ARPP21: variants seen among roughly 807,000 people sequenced by gnomAD.
ARPP21 encodes the protein cAMP-regulated phosphoprotein 21.
Under a neutral mutation model 113.2 loss-of-function variants are expected in ARPP21, and 69 were observed. The ratio of observed to expected loss-of-function variants is 0.61; its 90% CI spans 0.50 to 0.74. The LOEUF (loss-of-function observed/expected upper bound fraction) is 0.74, where lower values mean the gene tolerates loss of function less well. Among genes scored for constraint, ARPP21 ranks in the 30% least tolerant of loss-of-function variants. The pLI is 0.00. For synonymous variants in ARPP21, 368 were observed against 375.5 expected, an observed-to-expected ratio of 0.98 and a Z score of 0.23; for missense variants, 1,070 against 1,037.4, an observed-to-expected ratio of 1.03 and a Z score of -0.43.
intron 1 of ARPP21, among the ~76,000 whole-genome samples, chr3:35,670,608 C>T (rs2076091283): frequency 6.6e-6 from 1 of 152,070 alleles, no homozygotes; most frequent in South Asian, 2.1e-4. Context: ...CATCTGGAGT[C>T]CGATCAGCAT....
In ARPP21 at chr3:35,762,605, C is replaced by T. The variant is rs186396358; in HGVS notation, c.2137+18640C>T. Among the ~76,000 whole-genome samples, 33 of 152,142 alleles carry T rather than the reference C, an allele frequency of 2.2e-4. No homozygotes were observed. In the Middle Eastern group the frequency reaches 0.01, roughly 47 times the overall value. ...CGTGACTACTTACAACCATTTGATA[C>T]GAGTTGTGTCAATACAGACCTCACA... On this transcript the variant is annotated intron_variant, in intron 19 of 20. Coordinates refer to ENST00000684406, the MANE Select transcript of ARPP21 (RefSeq NM_001385562.1).
intron 1 of ARPP21, among the ~76,000 whole-genome samples, chr3:35,673,003 T>TAATCTACG (rs1485941401): frequency 1.3e-5 from 2 of 152,172 alleles, no homozygotes; most frequent in East Asian, 3.9e-4. Context: ...ATAGATGTAA[T>TAATCTACG]AATCTACGTA....
intron 1 of ARPP21, among the ~76,000 whole-genome samples, chr3:35,660,942 G>C (rs987541848): frequency 3.9e-5 from 6 of 152,140 alleles, no homozygotes; most frequent in African/African-American, 1.4e-4. Flanking sequence ...AAAATATGTA[G>C]TTGGAAAGCT....
At chr3:35,749,702 A>G (rs543206030) in intron 19 of ARPP21, among the ~76,000 whole-genome samples, 27 of 152,224 alleles carry the variant, frequency 1.8e-4, no homozygotes, top group African/African-American at 6.3e-4. Context: ...GTATTTTAAG[A>G]TAATTTCTGG....
chr3:35,764,070 A>G (rs1345487074), intron 19 of ARPP21, among the ~76,000 whole-genome samples: 6 of 151,916 alleles, frequency 3.9e-5, no homozygotes, highest in Non-Finnish European at 8.8e-5. Context: ...GGATGGCTAC[A>G]ATGAAAAAAA....
intron 1 of ARPP21, among the ~76,000 whole-genome samples, chr3:35,648,247 C>T (rs980485132): frequency 6.6e-6 from 1 of 152,122 alleles, no homozygotes; most frequent in Non-Finnish European, 1.5e-5. Flanking sequence ...TGGTCTAATT[C>T]AGTTGTCTAA....
intron 10 of ARPP21, among the ~76,000 whole-genome samples, chr3:35,708,422 G>A (rs2089982059): frequency 6.6e-6 from 1 of 152,124 alleles, no homozygotes; most frequent in South Asian, 2.1e-4. Context: ...GCAATTCATG[G>A]GATCAGTCAC....
At chr3:35,752,680 T>G (rs1285749950) in intron 19 of ARPP21, among the ~76,000 whole-genome samples, 1 of 152,090 alleles carries the variant, frequency 6.6e-6, no homozygotes, top group Non-Finnish European at 1.5e-5. Context: ...TGTCTTGAGA[T>G]TCTACATTTT....
At chr3:35,754,150 G>T (rs1362893193) in intron 19 of ARPP21, among the ~76,000 whole-genome samples, 2 of 151,762 alleles carry the variant, frequency 1.3e-5, no homozygotes, top group Middle Eastern at 3.4e-3. Context: ...TAGGATTTTT[G>T]TCTTTATACC....
intron 1 of ARPP21, among the ~76,000 whole-genome samples, chr3:35,668,794 GT>G (rs1276304739): frequency 3.9e-5 from 6 of 152,050 alleles, no homozygotes. Context: ...CATCATGCAT[GT>G]TTTGAGATGC....
intron 9 of ARPP21, among the ~76,000 whole-genome samples, chr3:35,694,180 G>A (rs1575912931): frequency 6.6e-6 from 1 of 151,466 alleles, no homozygotes; most frequent in African/African-American, 2.4e-5. Flanking sequence ...GTTTTTCATG[G>A]AGAAGAAAGA....
chr3:35,787,417 G>T (rs546260993), intron 19 of ARPP21, among the ~76,000 whole-genome samples: 78 of 152,270 alleles, frequency 5.1e-4, no homozygotes, highest in Non-Finnish European at 1.0e-3. Context: ...AGATTGTGAG[G>T]AAAGCCATTA....
intron 7 of ARPP21, among the ~76,000 whole-genome samples, chr3:35,689,653 A>G (rs1457808741): frequency 6.6e-6 from 1 of 151,658 alleles, no homozygotes; most frequent in Non-Finnish European, 1.5e-5. Context: ...GCTAAGGTGG[A>G]AAAATAGCAA....
At chr3:35,683,068 T>C (rs557233859) in intron 4 of ARPP21, among the ~76,000 whole-genome samples, 179 bp downstream of exon 4, 60 of 151,890 alleles carry the variant, frequency 4.0e-4, no homozygotes, top group African/African-American at 1.4e-3. Flanking sequence ...TCTTACTTTA[T>C]GGCACTGCAT....
intron 19 of ARPP21, among the ~76,000 whole-genome samples, chr3:35,789,898 T>C (rs2151889785): frequency 6.6e-6 from 1 of 152,352 alleles, no homozygotes; most frequent in African/African-American, 2.4e-5. Flanking sequence ...GTTTAGAAGA[T>C]GGTGTGTTAA....
intron 1 of ARPP21, among the ~76,000 whole-genome samples, chr3:35,645,875 T>C (rs921081676): frequency 1.4e-4 from 21 of 151,834 alleles, no homozygotes; most frequent in African/African-American, 5.1e-4. Flanking sequence ...TAAAAAAAAA[T>C]AGTTTATCCA....
At chr3:35,698,707 T>A (rs2085048939) in intron 9 of ARPP21, among the ~76,000 whole-genome samples, 1 of 151,636 alleles carries the variant, frequency 6.6e-6, no homozygotes, top group African/African-American at 2.4e-5. Flanking sequence ...TCTTAAATAA[T>A]GATGAAAGAG....
At chr3:35,638,923 A>T (rs1180698946), upstream of ARPP21, 1 of 152,212 alleles carries the variant, frequency 6.6e-6, no homozygotes, top group Non-Finnish European at 1.5e-5. Flanking sequence ...GCGAGGTGTT[A>T]TTATTGTGGG....
chr3:35,733,531 C>A (rs1234982593), intron 15 of ARPP21, among the ~76,000 whole-genome samples: 1 of 152,196 alleles, frequency 6.6e-6, no homozygotes, highest in Non-Finnish European at 1.5e-5. Context: ...AGGCCGAGGG[C>A]CAGCCAGTCC....
Sources: allele counts gnomAD v4.1 joint callset (sites outside exome capture counted in the v4.1 genomes callset), GRCh38; gene constraint gnomAD v4.1.1; transcripts MANE v1.5; gene names NCBI Gene and HGNC (gene_info 2026-07-23, HGNC 2026-07-21).